Variants in NAA30 observed in about 807,000 individuals in gnomAD.
NAA30 encodes the protein N-alpha-acetyltransferase 30.
A neutral mutation model predicts 31.4 loss-of-function variants in NAA30; 5 were observed. The observed-to-expected ratio is 0.16, with a 90% CI of 0.08 to 0.33. The LOEUF (loss-of-function observed/expected upper bound fraction) is 0.33. Among genes scored for constraint, NAA30 ranks in the 10% least tolerant of loss-of-function variants. NAA30 has a pLI of 1.00. For synonymous variants in NAA30, 222 were observed against 207.1 expected (o/e 1.07, Z -0.62); for missense variants, 428 against 490.8 (o/e 0.87, Z 1.21).
Position 57,407,094 on chromosome 14 carries a change from C to T in NAA30, c.952-2285C>T, listed in dbSNP as rs76186834. ...GTTTTTTAGACATGGGCTTTCACCA[C>T]GTTGCCTAGCCTGGTCCCAAACTCC... is the stretch of plus-strand genomic sequence containing the variant. On this transcript the variant is annotated intron_variant, in intron 4 of 4. Transcript: ENST00000556492. Among the ~76,000 whole-genome samples the T allele has an allele frequency of 2.3e-3, 345 of 152,164 alleles. 8 individuals are homozygous for T. In the East Asian group the frequency reaches 0.057, roughly 25 times the overall value.
chr14:57,404,290 C>T (rs531304575), intron 4 of NAA30, among the ~76,000 whole-genome samples: 3 of 152,048 alleles, frequency 2.0e-5, no homozygotes, highest in East Asian at 1.9e-4. Flanking sequence ...CCATTGCACT[C>T]CAGCCTGGGG....
chr14:57,409,540 A>T lies in NAA30; in HGVS notation c.*24A>T, dbSNP rs768716763. The T allele has an allele frequency of 1.4e-5, 22 of 1,589,498 alleles. No homozygotes were observed. The highest frequency in any genetic ancestry group is 8.1e-5 in the African/African-American group (6 of 73,744). Reference sequence around the variant, plus strand: ...GAGAAACTGACATCAAGGAACAACTATCATCCGCACAGAATCGACCTTTGC... The same window carrying T: ...GAGAAACTGACATCAAGGAACAACTTTCATCCGCACAGAATCGACCTTTGC... On this transcript the variant is annotated 3_prime_UTR_variant, in exon 5 of 5. Coordinates refer to ENST00000556492, the MANE Select transcript of NAA30 (RefSeq NM_001011713.3).
Position 57,393,806 on chromosome 14 carries a change from C to A in NAA30, c.771+2078C>A, listed in dbSNP as rs566090567. Reference sequence around the variant, plus strand: ...AATGTTTCAATCTCCAGATATTTACCGTCGGAAGGGTAAAGCTAGAACCCA... The same window carrying A: ...AATGTTTCAATCTCCAGATATTTACAGTCGGAAGGGTAAAGCTAGAACCCA... On this transcript the variant is annotated intron_variant, in intron 2 of 4. Transcript: ENST00000556492. 5.3e-5 allele frequency among the ~76,000 whole-genome samples: 8 copies of A among 151,936 alleles called. No homozygotes were observed. The East Asian group carries it at 1.4e-3, about 26-fold the overall frequency.
At chr14:57,400,107 A>G (rs2066468500) in intron 4 of NAA30, among the ~76,000 whole-genome samples, 1 of 152,180 alleles carries the variant, frequency 6.6e-6, no homozygotes, top group Admixed American at 6.5e-5. Context: ...GGAATCTTAG[A>G]CATTTTCAGT....
intron 4 of NAA30, among the ~76,000 whole-genome samples, chr14:57,401,371 A>G (rs1254102475): frequency 6.6e-6 from 1 of 152,220 alleles, no homozygotes; most frequent in Non-Finnish European, 1.5e-5. Context: ...ACTCCAAAGA[A>G]ATAATTCACA....
rs2066422106 is a variant in NAA30 at position 57,390,655 on chromosome 14, C to G, written c.-52C>G. The stretch of plus-strand genomic sequence containing the variant: ...GCCGCGGCTGCGAAGGAGGCGGCGG[C>G]GGTGGCGGAGGAAGAGGAGTGGCGG... On this transcript the variant is annotated 5_prime_UTR_variant, in exon 1 of 5. Coordinates refer to ENST00000556492, the MANE Select transcript of NAA30 (RefSeq NM_001011713.3). 2 of 370,756 alleles carry G rather than the reference C, an allele frequency of 5.4e-6. No homozygotes were observed. The highest frequency in any genetic ancestry group is 9.3e-5 in the Admixed American group (2 of 21,480). The allele number at this position is 370,756 out of a possible 1,614,324, so 23.0% of individuals were successfully genotyped here. A position where few individuals can be genotyped will look rare whatever the true frequency, so the allele number is the denominator to read the frequency against.
chr14:57,402,727 C>T (rs2139763410), intron 4 of NAA30, among the ~76,000 whole-genome samples: 1 of 152,292 alleles, frequency 6.6e-6, no homozygotes, highest in South Asian at 2.1e-4. Context: ...GACCAACCTT[C>T]CTTTCTTTTA....
At chr14:57,399,384 T>C (rs1432623471) in intron 3 of NAA30, among the ~76,000 whole-genome samples, 1 of 152,218 alleles carries the variant, frequency 6.6e-6, no homozygotes, top group Non-Finnish European at 1.5e-5. Flanking sequence ...GCAGTTCTGA[T>C]GAGGTTGTCT....
chr14:57,402,924 TA>T (rs1453836693), intron 4 of NAA30, among the ~76,000 whole-genome samples: 1 of 152,224 alleles, frequency 6.6e-6, no homozygotes, highest in Non-Finnish European at 1.5e-5. Flanking sequence ...CTCACGCCTG[TA>T]ATCCCAGCAC....
chr14:57,399,333 G>T (rs538662942), intron 3 of NAA30, among the ~76,000 whole-genome samples: 1 of 152,142 alleles, frequency 6.6e-6, no homozygotes, highest in South Asian at 2.1e-4. Flanking sequence ...AGACTTCATC[G>T]TGCTCACTGT....
chr14:57,405,861 G>A (rs1044595442), intron 4 of NAA30, among the ~76,000 whole-genome samples: 7 of 152,124 alleles, frequency 4.6e-5, no homozygotes, highest in African/African-American at 1.7e-4. Context: ...GTAATGTTTT[G>A]TAATGGTTTG....
At chr14:57,402,450 C>A (rs2066481070) in intron 4 of NAA30, among the ~76,000 whole-genome samples, 1 of 152,204 alleles carries the variant, frequency 6.6e-6, no homozygotes, top group Admixed American at 6.5e-5. Context: ...GTGCTTCCAG[C>A]ATGATGTTTG....
rs1023439948 is a variant in NAA30, at chr14:57,412,479, G to A, written c.*2963G>A. 5.3e-5 allele frequency: 8 copies of A among 152,142 alleles called. No homozygotes were observed. The highest frequency in any genetic ancestry group is 3.3e-4 in the Admixed American group (5 of 15,276). The allele number at this position is 152,142 out of a possible 1,614,324, so 9.4% of individuals were successfully genotyped here. On this transcript the variant is annotated 3_prime_UTR_variant, in exon 5 of 5. Coordinates refer to ENST00000556492, the MANE Select transcript of NAA30 (RefSeq NM_001011713.3). ...TAGTACATCAGAGTTACTTTTCAGT[G>A]CACCATGACATCACTAAAATGAGTG...
At position 57,399,887 on chromosome 14, in the gene NAA30, A is replaced by T. The variant is rs1314088785; in HGVS notation, c.951+4A>T. On this transcript the variant is annotated splice_donor_region_variant and intron_variant, in intron 4 of 4. Coordinates refer to ENST00000556492, the MANE Select transcript of NAA30 (RefSeq NM_001011713.3). ...GGTTGAGGGAGACTGTGATGAGGTAAGTCTTTAAAAATGTTTAATATTTTT... is the reference window on the plus strand; with the variant it reads ...GGTTGAGGGAGACTGTGATGAGGTATGTCTTTAAAAATGTTTAATATTTTT... 23 of 1,459,184 alleles carry T rather than the reference A, an allele frequency of 1.6e-5. No individual in the cohort carries two copies. 90.4% of individuals were successfully genotyped at this position (1,459,184 alleles called of 1,614,324 possible). A position where few individuals can be genotyped will look rare whatever the true frequency, so the allele number is the denominator to read the frequency against.
chr14:57,404,461 C>T (rs764292570), intron 4 of NAA30, among the ~76,000 whole-genome samples: 3 of 152,166 alleles, frequency 2.0e-5, no homozygotes, highest in Non-Finnish European at 2.9e-5. Context: ...AAAATCACGT[C>T]ATCTAATTTT....
At chr14:57,395,887 A>G (rs1426031629) in intron 2 of NAA30, among the ~76,000 whole-genome samples, 2 of 151,508 alleles carry the variant, frequency 1.3e-5, no homozygotes, top group African/African-American at 4.8e-5. Flanking sequence ...AAAATTTTTA[A>G]TTTTTTTTTC....
intron 4 of NAA30, among the ~76,000 whole-genome samples, chr14:57,408,605 A>T (rs192430799): frequency 4.1e-4 from 63 of 152,328 alleles, no homozygotes; most frequent in Middle Eastern, 3.4e-3. Flanking sequence ...ACGTACTCAT[A>T]AACTCTGAGG....
At chr14:57,405,807 C>T (rs1446199158) in intron 4 of NAA30, among the ~76,000 whole-genome samples, 3 of 152,184 alleles carry the variant, frequency 2.0e-5, no homozygotes, top group African/African-American at 4.8e-5. Flanking sequence ...GCCTGCTCTC[C>T]AGGAGCTTCC....
At position 57,411,071 on chromosome 14, in the gene NAA30, T is replaced by C. The variant is rs1026599941; in HGVS notation, c.*1555T>C. Reference sequence around the variant, plus strand: ...AGGAAAGTTTGTTGCTTTTTTTTTTTTTTTAAAGGAAAGCTGCTCTTTGCT... The same window carrying C: ...AGGAAAGTTTGTTGCTTTTTTTTTTCTTTTAAAGGAAAGCTGCTCTTTGCT... On this transcript the variant is annotated 3_prime_UTR_variant, in exon 5 of 5. Coordinates refer to ENST00000556492, the MANE Select transcript of NAA30 (RefSeq NM_001011713.3). 1 of 152,352 alleles carries C rather than the reference T, an allele frequency of 6.6e-6. No individual in the cohort carries two copies. Among genetic ancestry groups the C allele is most frequent in the Admixed American group, 6.6e-5 (1 of 15,242 alleles). 9.4% of individuals were successfully genotyped at this position (152,352 alleles called of 1,614,324 possible). A position where few individuals can be genotyped will look rare whatever the true frequency, so the allele number is the denominator to read the frequency against.
Sources: gnomAD v4.1 joint callset for allele counts (sites outside exome capture counted in the v4.1 genomes callset) on GRCh38, gnomAD v4.1.1 for gene constraint, MANE v1.5 for transcripts, NCBI Gene and HGNC (gene_info 2026-07-23, HGNC 2026-07-21) for gene names.